MDP1: variants seen among roughly 807,000 people sequenced by gnomAD.
The protein encoded by MDP1 is magnesium-dependent phosphatase 1.
MDP1 carries 18 observed loss-of-function variants against 21.6 expected under a neutral mutation model. The ratio of observed to expected loss-of-function variants is 0.83; its 90% CI spans 0.58 to 1.24. MDP1 has a LOEUF of 1.24. Among genes scored for constraint, MDP1 ranks in the 50% most tolerant of loss-of-function variants. MDP1 has a pLI of 0.00. For missense variants in MDP1, 207 were observed against 218.6 expected, an observed-to-expected ratio of 0.95 and a Z score of 0.33; for synonymous variants, 101 against 83.2, an observed-to-expected ratio of 1.21 and a Z score of -1.16.
Position 24,214,087 on chromosome 14 carries a change from T to C in MDP1, c.468A>G (p.Thr156=), listed in dbSNP as rs1428856128. 3 of 1,613,576 alleles carry C rather than the reference T, an allele frequency of 1.9e-6. No homozygotes were observed. The highest frequency in any genetic ancestry group is 2.7e-5 in the African/African-American group (2 of 75,014). Residue 156 remains threonine, a synonymous_variant, in exon 6 of 6, where the codon ACA becomes ACG. Coordinates refer to ENST00000288087, the MANE Select transcript of MDP1 (RefSeq NM_138476.4). ...AAGGCCCAGTTTGGGCCTTCGCAAA[T>C]GTCTCTAACCCTTGACTTAGAGTTT... ...NLQTLSQGLE[T]FAKAQTGPLR...
Position 24,215,926 on chromosome 14 carries a change from A to G in MDP1, c.30T>C (p.Phe10=). Reference sequence around the variant, plus strand: ...CCCCTTCCCGTCCCTCACCCAAATCAAAGACTGCCAGCTTCGGTAGCCGCG... The same window carrying G: ...CCCCTTCCCGTCCCTCACCCAAATCGAAGACTGCCAGCTTCGGTAGCCGCG... MARLPKLAV[F]DLDYTLWPFW... is the part of the protein sequence containing the mutation. The change falls in exon 1 of 6, where the codon TTT becomes TTC. Residue 10 remains phenylalanine, a synonymous_variant. Coordinates refer to ENST00000288087, the MANE Select transcript of MDP1 (RefSeq NM_138476.4). 6.2e-7 allele frequency: 1 copy of G among 1,614,184 alleles called. No homozygotes were observed. Among genetic ancestry groups the G allele is most frequent in the Non-Finnish European group, 8.5e-7 (1 of 1,180,020 alleles).
Position 24,215,552 on chromosome 14 carries a change from CT to C in MDP1, c.208del (p.Arg70GlyfsTer5), listed in dbSNP as rs770765405. The C allele has an allele frequency of 6.2e-7, 1 of 1,614,068 alleles. No individual in the cohort carries two copies. Among genetic ancestry groups the C allele is most frequent in the South Asian group, 1.1e-5 (1 of 91,092 alleles). On this transcript the variant is annotated frameshift_variant and splice_region_variant, in exon 3 of 6. Transcript: ENST00000288087. LOFTEE classifies it high-confidence loss of function. ...GTCAGTTGTCAGTCGCTCTTCTTAC[CT>C]TGAAGCAGCCGCACCGGGCACCCCA... ...SLGVPGAAASRTSEIEGANQL... is the reference protein window; with the variant it reads ...SLGVPGAAASXTSEIEGANQL...
chr14:24,215,960 C>A lies in MDP1; in HGVS notation c.-5G>T, dbSNP rs1566662656. The A allele has an allele frequency of 3.1e-6, 5 of 1,614,052 alleles. No individual in the cohort carries two copies. The highest frequency in any genetic ancestry group is 1.7e-5 in the Admixed American group (1 of 60,016). Reference sequence around the variant, plus strand: ...CAGCTTCGGTAGCCGCGCCATGACCCGCACCGCAGGCTGCGCGCAGCAGAG... The same window carrying A: ...CAGCTTCGGTAGCCGCGCCATGACCAGCACCGCAGGCTGCGCGCAGCAGAG... On this transcript the variant is annotated 5_prime_UTR_variant, in exon 1 of 6. Transcript: ENST00000288087.
rs1192165125 is a variant in MDP1 at position 24,214,132 on chromosome 14, G to A, written c.423C>T (p.Ile141=). ...GAGTTTGAAGATTCATTCCATTCTG[G>A]ATGTGAATGCAGGTAACACCTAGAA... The part of the protein sequence containing the change: ...VSKLGVTCIH[I]QNGMNLQTLS... The change falls in exon 6 of 6, where the codon ATC becomes ATT. Residue 141 remains isoleucine, a synonymous_variant. Transcript: ENST00000288087. The A allele has an allele frequency of 6.2e-7, 1 of 1,612,742 alleles. No individual in the cohort carries two copies. Among genetic ancestry groups the A allele is most frequent in the Non-Finnish European group, 8.5e-7 (1 of 1,179,528 alleles).
Position 24,215,671 on chromosome 14 carries a change from G to C in MDP1, c.99-9C>G, listed in dbSNP as rs751698495. 1.2e-6 allele frequency: 2 copies of C among 1,614,194 alleles called. No individual in the cohort carries two copies. Among genetic ancestry groups the C allele is most frequent in the Non-Finnish European group, 1.7e-6 (2 of 1,180,026 alleles). On this transcript the variant is annotated splice_polypyrimidine_tract_variant and intron_variant, in intron 2 of 5. Transcript: ENST00000288087. ...CTCGTACAGTTCCATCACTGGAGAG[G>C]GCAAGAGTGCGCTCAGCCCTGGCTG...
At chr14:24,214,996 T>G (rs913455872) in intron 3 of MDP1, among the ~76,000 whole-genome samples, 1 of 148,386 alleles carries the variant, frequency 6.7e-6, no homozygotes, top group Admixed American at 6.8e-5. Flanking sequence ...TAGGCTGGTC[T>G]CAAATTCCTG....
intron 3 of MDP1, among the ~76,000 whole-genome samples, chr14:24,215,081 CTTTTTTTTT>C (rs907932145): frequency 9.0e-6 from 1 of 111,286 alleles, no homozygotes; most frequent in Non-Finnish European, 1.8e-5. Context: ...TCTGGCCCCA[CTTTTTTTTT>C]TTTTTTTTTT....
rs2039693127 is a variant in MDP1, at chr14:24,216,063, T to A, written c.-108A>T. ...AGCCACCCTGCCTGCCATAGACAAA[T>A]GGCGACTAGAGCGTCGCCACTCGGG... On this transcript the variant is annotated 5_prime_UTR_variant, in exon 1 of 6. Coordinates refer to ENST00000288087, the MANE Select transcript of MDP1 (RefSeq NM_138476.4). 1 of 1,462,522 alleles carries A rather than the reference T, an allele frequency of 6.8e-7. No homozygotes were observed. The highest frequency in any genetic ancestry group is 1.2e-5 in the South Asian group (1 of 86,878). The allele number at this position is 1,462,522 out of a possible 1,614,324, so 90.6% of individuals were successfully genotyped here.
At position 24,214,409 on chromosome 14, in the gene MDP1, G is replaced by A; in HGVS notation, c.318-14C>T. 6.2e-7 allele frequency: 1 copy of A among 1,614,114 alleles called. No homozygotes were observed. The highest frequency in any genetic ancestry group is 8.5e-7 in the Non-Finnish European group (1 of 1,180,026). On this transcript the variant is annotated splice_polypyrimidine_tract_variant and intron_variant, in intron 4 of 5. Coordinates refer to ENST00000288087, the MANE Select transcript of MDP1 (RefSeq NM_138476.4). ...TTCTGCTGCAACCTATTCAAGACAGGGCAGGAGTAACCAAGCTAGTATCTT... is the reference window on the plus strand; with the variant it reads ...TTCTGCTGCAACCTATTCAAGACAGAGCAGGAGTAACCAAGCTAGTATCTT...
chr14:24,214,941 ATTTT>A (rs11428547), intron 3 of MDP1, among the ~76,000 whole-genome samples: 1 of 137,030 alleles, frequency 7.3e-6, no homozygotes, highest in African/African-American at 2.7e-5. Context: ...CGCCACTACA[ATTTT>A]TTTTTTTTTT....
rs772681747 is a variant in MDP1, at chr14:24,215,982, A to G, written c.-27T>C. 1.5e-5 allele frequency: 25 copies of G among 1,613,900 alleles called. 1 individual carries two copies. The South Asian group carries it at 1.9e-4, about 12-fold the overall frequency. On this transcript the variant is annotated 5_prime_UTR_variant, in exon 1 of 6. Transcript: ENST00000288087. ...ACCCGCACCGCAGGCTGCGCGCAGC[A>G]GAGGTGGGGCTTCACCCGGGGCCTT...
chr14:24,214,890 C>A (rs551096220), intron 3 of MDP1, among the ~76,000 whole-genome samples: 1 of 151,850 alleles, frequency 6.6e-6, no homozygotes, highest in Non-Finnish European at 1.5e-5. Flanking sequence ...TCAAGTGATC[C>A]TCCCACCTCA....
At position 24,214,504 on chromosome 14, in the gene MDP1, G is replaced by A; in HGVS notation, c.305C>T (p.Thr102Ile). Residue 102 changes from threonine to isoleucine, a missense_variant, in exon 4 of 6, where the codon ACA becomes ATA. Physicochemically the swap from Thr to Ile is moderately conservative, Grantham distance 89. Transcript: ENST00000288087. ...HREIYPGSKI[T>I]HFERLQQKTG... ...TATCTCCGCATACCTCTCAAAGTGT[G>A]TGATCTTGCTGCCTGGATAGATTTC... is the stretch of plus-strand genomic sequence containing the variant. 6.2e-7 allele frequency: 1 copy of A among 1,614,190 alleles called. No homozygotes were observed. Among genetic ancestry groups the A allele is most frequent in the Non-Finnish European group, 8.5e-7 (1 of 1,180,030 alleles).
At chr14:24,214,288 G>T (rs1404585549) in intron 5 of MDP1, 22 bp downstream of exon 5, 1 of 1,613,958 alleles carries the variant, frequency 6.2e-7, no homozygotes, top group African/African-American at 1.3e-5. Flanking sequence ...ACCCCAAATG[G>T]CTGTTCCTCA....
At chr14:24,215,258 G>A (rs2039664405) in intron 3 of MDP1, among the ~76,000 whole-genome samples, 1 of 151,688 alleles carries the variant, frequency 6.6e-6, no homozygotes. Context: ...GCTAATTTTT[G>A]TATTTTTAGT....
rs762904179 is a variant in MDP1, at chr14:24,215,950, C to T, written c.6G>A (p.Ala2=). The T allele has an allele frequency of 6.2e-7, 1 of 1,614,210 alleles. No individual in the cohort carries two copies. The highest frequency in any genetic ancestry group is 8.5e-7 in the Non-Finnish European group (1 of 1,180,036). The stretch of plus-strand genomic sequence containing the variant: ...CAAAGACTGCCAGCTTCGGTAGCCG[C>T]GCCATGACCCGCACCGCAGGCTGCG... M[A]RLPKLAVFDL... is the part of the protein sequence containing the mutation. Residue 2 remains alanine, a synonymous_variant, in exon 1 of 6, where the codon GCG becomes GCA. Coordinates refer to ENST00000288087, the MANE Select transcript of MDP1 (RefSeq NM_138476.4).
At chr14:24,214,283 A>T in intron 5 of MDP1, 27 bp downstream of exon 5, 2 of 1,614,210 alleles carry the variant, frequency 1.2e-6, no homozygotes, top group Non-Finnish European at 1.7e-6. Context: ...TAGGGACCCC[A>T]AATGGCTGTT....
Position 24,216,032 on chromosome 14 carries a change from T to C in MDP1, c.-77A>G. The C allele has an allele frequency of 1.3e-6, 2 of 1,593,048 alleles. No homozygotes were observed. The highest frequency in any genetic ancestry group is 8.6e-7 in the Non-Finnish European group (1 of 1,167,112). Reference sequence around the variant, plus strand: ...TAGAGAGTGCGGAACCTCCGGCAGCTAAGGCAGCCACCCTGCCTGCCATAG... The same window carrying C: ...TAGAGAGTGCGGAACCTCCGGCAGCCAAGGCAGCCACCCTGCCTGCCATAG... On this transcript the variant is annotated 5_prime_UTR_variant, in exon 1 of 6. Transcript: ENST00000288087.
chr14:24,214,602 G>T lies in MDP1; in HGVS notation c.210-3C>A. 1.9e-6 allele frequency: 3 copies of T among 1,614,068 alleles called. No individual in the cohort carries two copies. Among genetic ancestry groups the T allele is most frequent in the Non-Finnish European group, 2.5e-6 (3 of 1,179,988 alleles). The stretch of plus-strand genomic sequence containing the variant: ...TGGCCCCTTCTATCTCACTTGTCCT[G>T]CAAAACGGTGTAAAAGATGGGATTA... On this transcript the variant is annotated splice_polypyrimidine_tract_variant and splice_region_variant and intron_variant, in intron 3 of 5. Coordinates refer to ENST00000288087, the MANE Select transcript of MDP1 (RefSeq NM_138476.4).
Sources: gnomAD v4.1 joint callset for allele counts (sites outside exome capture counted in the v4.1 genomes callset) on GRCh38, gnomAD v4.1.1 for gene constraint, MANE v1.5 for transcripts, NCBI Gene and HGNC (gene_info 2026-07-23, HGNC 2026-07-21) for gene names.